Variants in ADAM2 observed in about 807,000 individuals in gnomAD.
The protein encoded by ADAM2 is disintegrin and metalloproteinase domain-containing protein 2.
ADAM2 carries 101 observed loss-of-function variants against 99.3 expected under a neutral mutation model. The ratio of observed to expected loss-of-function variants is 1.02; its 90% CI spans 0.87 to 1.20. The LOEUF is 1.20. ADAM2 is among the 50% of genes most tolerant of loss of function. The pLI is 0.00. For missense variants in ADAM2, 948 were observed against 878.7 expected, an observed-to-expected ratio of 1.08 and a Z score of -1.00; for synonymous variants, 323 against 287.6, an observed-to-expected ratio of 1.12 and a Z score of -1.25.
At chr8:39,754,056 G>T (rs1802060069) in intron 16 of ADAM2, among the ~76,000 whole-genome samples, 1 of 152,074 alleles carries the variant, frequency 6.6e-6, no homozygotes, top group Non-Finnish European at 1.5e-5. Flanking sequence ...CCTGTGTGTG[G>T]TTTTTTAGTT....
At position 39,775,021 on chromosome 8, in the gene ADAM2, C is replaced by G. The variant is rs60589234; in HGVS notation, c.1028+2004G>C. Among the ~76,000 whole-genome samples, 153 of 151,860 alleles carry G rather than the reference C, an allele frequency of 1.0e-3. 1 individual carries two copies. The East Asian group carries it at 0.028, about 28-fold the overall frequency. On this transcript the variant is annotated intron_variant, in intron 11 of 20. Transcript: ENST00000265708. ...GAAGAAAGAGAGGGGGAGGAAAGGTCGATATCAGCATGTATTATTGAGATG... is the reference window on the plus strand; with the variant it reads ...GAAGAAAGAGAGGGGGAGGAAAGGTGGATATCAGCATGTATTATTGAGATG...
chr8:39,795,095 CTAAGT>C (rs1014667572), intron 7 of ADAM2, among the ~76,000 whole-genome samples: 1 of 151,858 alleles, frequency 6.6e-6, no homozygotes, highest in Non-Finnish European at 1.5e-5. Context: ...TAAAGTTTTG[CTAAGT>C]TAAGTTGAAG....
chr8:39,833,930 T>C lies in ADAM2; in HGVS notation c.188+14A>G, dbSNP rs375797634. The C allele has an allele frequency of 1.2e-5, 16 of 1,348,444 alleles. No homozygotes were observed. The highest frequency in any genetic ancestry group is 2.9e-5 in the African/African-American group (2 of 69,168). The allele number at this position is 1,348,444 out of a possible 1,614,324, so 83.5% of individuals were successfully genotyped here. A position where few individuals can be genotyped will look rare whatever the true frequency, so the allele number is the denominator to read the frequency against. On this transcript the variant is annotated intron_variant, in intron 3 of 20. Transcript: ENST00000265708. ...AGAACAAAGAGAATTGATAAAATAATGATGATTACCTACTTTTGCATTAAA... is the reference window on the plus strand; with the variant it reads ...AGAACAAAGAGAATTGATAAAATAACGATGATTACCTACTTTTGCATTAAA...
At chr8:39,765,516 C>T (rs1243729093) in intron 14 of ADAM2, among the ~76,000 whole-genome samples, 10 of 152,162 alleles carry the variant, frequency 6.6e-5, no homozygotes, top group African/African-American at 2.4e-4. Context: ...ACACATCCAA[C>T]TTACGAATAT....
chr8:39,818,053 GACA>G (rs1209354826), intron 6 of ADAM2: 4 of 151,892 alleles, frequency 2.6e-5, no homozygotes, highest in African/African-American at 9.7e-5. Context: ...GAATAGAGGA[GACA>G]ACACTTCCCA....
chr8:39,777,096 C>A lies in ADAM2; in HGVS notation c.957G>T (p.Met319Ile), dbSNP rs748174539. 3.1e-6 allele frequency: 5 copies of A among 1,604,266 alleles called. No homozygotes were observed. The highest frequency in any genetic ancestry group is 4.3e-6 in the Non-Finnish European group (5 of 1,171,784). The change falls in exon 11 of 21, where the codon ATG (methionine) becomes ATT (isoleucine). Residue 319 changes from methionine to isoleucine, a missense_variant. Met to Ile is a conservative substitution (Grantham distance 10, BLOSUM62 1). Transcript: ENST00000265708. ...TGTTAATGTCATCATAAGTGATCCC[C>A]ATACTAAGGCTCAATAATTGAGCTA... ...VILAQLLSLS[M>I]GITYDDINKC...
intron 10 of ADAM2, among the ~76,000 whole-genome samples, chr8:39,780,996 C>T (rs1011317516): frequency 8.0e-5 from 12 of 150,372 alleles, no homozygotes; most frequent in East Asian, 2.0e-4. Context: ...TTTTGTGTGG[C>T]GCTTTCATAC....
intron 17 of ADAM2, 81 bp downstream of exon 17, chr8:39,749,568 TGTGTGTGTGTGTGTGTGC>T: frequency 4.7e-6 from 6 of 1,266,636 alleles, no homozygotes; most frequent in African/African-American, 1.8e-5. Context: ...TGTTTTGGTG[TGTGTGTGTGTGTGTGTGC>T]GTGTGTGTGT....
chr8:39,751,112 C>T (rs673382), intron 16 of ADAM2, among the ~76,000 whole-genome samples: 88,387 of 151,886 alleles, frequency 0.58, 25,916 homozygotes, highest in East Asian at 0.86. Context: ...TGGCTAATTA[C>T]GGCAATGCAT....
chr8:39,813,305 T>C (rs1182606359), intron 6 of ADAM2, among the ~76,000 whole-genome samples: 4 of 152,144 alleles, frequency 2.6e-5, no homozygotes, highest in South Asian at 2.1e-4. Flanking sequence ...AATAGGAACA[T>C]TTTTACACTG....
chr8:39,804,002 A>G (rs78553146), intron 7 of ADAM2, among the ~76,000 whole-genome samples: 1,694 of 152,274 alleles, frequency 0.011, 28 homozygotes, highest in African/African-American at 0.039. Flanking sequence ...CTAGTGTTAG[A>G]CTGGAGCACC....
rs139731681 is a variant in ADAM2, at chr8:39,801,206, G to A, written c.570+8204C>T. ...ACCCTTGGATGAGGTTTTTGTGGGG[G>A]CCTTTTGTTGTTGATGCTGTTGTTG... On this transcript the variant is annotated intron_variant, in intron 7 of 20. Transcript: ENST00000265708. Among the ~76,000 whole-genome samples the A allele has an allele frequency of 2.4e-4, 36 of 152,192 alleles. No individual in the cohort carries two copies. In the East Asian group the frequency reaches 6.2e-3, roughly 26 times the overall value.
chr8:39,766,746 C>G, intron 14 of ADAM2, 102 bp downstream of exon 14: 1 of 903,826 alleles, frequency 1.1e-6, no homozygotes, highest in Admixed American at 2.4e-5. Flanking sequence ...AATATTTAAA[C>G]TAAATGTGAC....
chr8:39,775,211 T>C (rs1802941726), intron 11 of ADAM2, among the ~76,000 whole-genome samples: 1 of 152,136 alleles, frequency 6.6e-6, no homozygotes, highest in South Asian at 2.1e-4. Flanking sequence ...TAGAGTGTCC[T>C]AGGAAAAAGG....
At chr8:39,779,890 C>A (rs371907448) in intron 10 of ADAM2, among the ~76,000 whole-genome samples, 10 of 152,208 alleles carry the variant, frequency 6.6e-5, no homozygotes, top group Middle Eastern at 3.4e-3. Context: ...AACATTCTAT[C>A]TATGCCTTTT....
At chr8:39,825,285 CA>C (rs981798056) in intron 3 of ADAM2, among the ~76,000 whole-genome samples, 94 of 152,246 alleles carry the variant, frequency 6.2e-4, no homozygotes, top group African/African-American at 2.2e-3. Context: ...GTTCAATCAC[CA>C]AAGCATAGGA....
At chr8:39,769,072 G>A (rs76776344) in intron 12 of ADAM2, among the ~76,000 whole-genome samples, 5,485 of 152,208 alleles carry the variant, frequency 0.036, 157 homozygotes, top group Non-Finnish European at 0.056. Context: ...ATTTCAAAAT[G>A]TACTCATATA....
intron 7 of ADAM2, among the ~76,000 whole-genome samples, chr8:39,789,156 G>A (rs1412443555): frequency 9.2e-5 from 14 of 151,658 alleles, no homozygotes; most frequent in African/African-American, 3.1e-4. Flanking sequence ...ACTAATAAGA[G>A]AGCTAGGATG....
intron 11 of ADAM2, among the ~76,000 whole-genome samples, chr8:39,773,923 A>T (rs1380108279): frequency 1.3e-5 from 2 of 151,938 alleles, no homozygotes; most frequent in Admixed American, 6.6e-5. Context: ...TATACAGGCA[A>T]ATATACTTTG....
Sources: allele counts gnomAD v4.1 joint callset (sites outside exome capture counted in the v4.1 genomes callset), GRCh38; gene constraint gnomAD v4.1.1; transcripts MANE v1.5; gene names NCBI Gene and HGNC (gene_info 2026-07-23, HGNC 2026-07-21).